DENND1A: variants seen among roughly 807,000 people sequenced by gnomAD.
DENND1A encodes the protein DENN domain containing 1A, also known as DENN domain-containing protein 1A.
In DENND1A, 51 loss-of-function variants were observed where a neutral mutation model predicts 113.7. That is an observed-to-expected ratio of 0.45 (90% CI 0.36 to 0.57). The LOEUF is 0.57. Among genes scored for constraint, DENND1A ranks in the 20% least tolerant of loss-of-function variants. DENND1A has a pLI of 0.00. For missense variants in DENND1A, 1,258 were observed against 1,395.9 expected (o/e 0.90, Z 1.57); for synonymous variants, 565 against 570.8 (o/e 0.99, Z 0.14).
At chr9:123,656,523 T>C (rs2062955727) in intron 8 of DENND1A, among the ~76,000 whole-genome samples, 2 of 152,124 alleles carry the variant, frequency 1.3e-5, no homozygotes, top group African/African-American at 4.8e-5. Flanking sequence ...GACGATGAAT[T>C]AGACTTGGGG....
At position 123,380,826 on chromosome 9, in the gene DENND1A, A is replaced by T. The variant is rs2042236870; in HGVS notation, c.*606T>A. On this transcript the variant is annotated 3_prime_UTR_variant, in exon 24 of 24. Transcript: ENST00000394215. ...TGGTCCCCAGATCCTCCCAGGTCAG[A>T]ATCAACTGAAGTTTTGGGGTGAAGA... 6.5e-6 allele frequency: 1 copy of T among 153,154 alleles called. No homozygotes were observed. The highest frequency in any genetic ancestry group is 6.5e-5 in the Admixed American group (1 of 15,340). The allele number at this position is 153,154 out of a possible 1,614,324, so 9.5% of individuals were successfully genotyped here.
At chr9:123,825,134 A>T (rs1342258333) in intron 2 of DENND1A, among the ~76,000 whole-genome samples, 4 of 152,084 alleles carry the variant, frequency 2.6e-5, no homozygotes, top group Admixed American at 6.5e-5. Flanking sequence ...GAGAGCAATT[A>T]AAGTTTGGTA....
Position 123,383,931 on chromosome 9 carries a change from G to GGCT in DENND1A, c.1761-21_1761-19dup, listed in dbSNP as rs754134734. 6.3e-7 allele frequency: 1 copy of GGCT among 1,596,950 alleles called. No individual in the cohort carries two copies. The highest frequency in any genetic ancestry group is 8.5e-7 in the Non-Finnish European group (1 of 1,173,778). ...GCTGCGGCCTGTCGGGGACAGAGCA[G>GGCT]GCTGCACTCTCCCACCCAGGCCTTC... is the stretch of plus-strand genomic sequence containing the variant. On this transcript the variant is annotated intron_variant, in intron 22 of 23. Coordinates refer to ENST00000394215, the MANE Select transcript of DENND1A (RefSeq NM_001352964.2).
chr9:123,610,593 G>A (rs2060373465), intron 10 of DENND1A, among the ~76,000 whole-genome samples: 1 of 152,216 alleles, frequency 6.6e-6, no homozygotes, highest in African/African-American at 2.4e-5. Flanking sequence ...GGGTGTGATT[G>A]GCAACTTTTC....
At chr9:123,504,925 G>A (rs974259028) in intron 13 of DENND1A, among the ~76,000 whole-genome samples, 5 of 152,148 alleles carry the variant, frequency 3.3e-5, no homozygotes, top group South Asian at 2.1e-4. Flanking sequence ...CAACAGTCAC[G>A]ATGAACCACA....
intron 13 of DENND1A, among the ~76,000 whole-genome samples, chr9:123,461,322 G>A (rs562423789): frequency 2.6e-5 from 4 of 152,158 alleles, no homozygotes. Flanking sequence ...ATCTCTGTAC[G>A]CCCCAGGAAG....
At chr9:123,565,533 CAG>C (rs2058008609) in intron 12 of DENND1A, among the ~76,000 whole-genome samples, 1 of 152,170 alleles carries the variant, frequency 6.6e-6, no homozygotes, top group African/African-American at 2.4e-5. Context: ...GGAGGGGCAA[CAG>C]AGTCACATTT....
At chr9:123,727,240 G>C (rs2067775080) in intron 5 of DENND1A, among the ~76,000 whole-genome samples, 1 of 152,140 alleles carries the variant, frequency 6.6e-6, no homozygotes, top group African/African-American at 2.4e-5. Context: ...AGTCATCTAA[G>C]AGAAAAGAGC....
chr9:123,569,302 T>C (rs2058229775), intron 12 of DENND1A, among the ~76,000 whole-genome samples: 1 of 152,194 alleles, frequency 6.6e-6, no homozygotes, highest in Admixed American at 6.5e-5. Context: ...AATGTAGCTT[T>C]TAAACAGACC....
chr9:123,414,590 T>C (rs1049762820), intron 19 of DENND1A: 4 of 1,550,358 alleles, frequency 2.6e-6, no homozygotes, highest in Non-Finnish European at 3.5e-6. Flanking sequence ...TCACAACGCC[T>C]GTTAGCATAG....
intron 5 of DENND1A, among the ~76,000 whole-genome samples, chr9:123,727,143 A>G (rs960557103): frequency 6.6e-6 from 1 of 152,216 alleles, no homozygotes; most frequent in African/African-American, 2.4e-5. Flanking sequence ...ACAATAAAAC[A>G]TGAACAGGAG....
intron 5 of DENND1A, among the ~76,000 whole-genome samples, chr9:123,690,805 C>T (rs951471108): frequency 6.6e-6 from 1 of 152,232 alleles, no homozygotes; most frequent in African/African-American, 2.4e-5. Flanking sequence ...TGCAACAGCC[C>T]TCCTGCTTCT....
chr9:123,926,932 C>T (rs765029109), intron 1 of DENND1A, among the ~76,000 whole-genome samples: 2 of 146,956 alleles, frequency 1.4e-5, no homozygotes, highest in Non-Finnish European at 3.0e-5. Flanking sequence ...CACAGAAACA[C>T]GGATGAAGGG....
intron 2 of DENND1A, among the ~76,000 whole-genome samples, chr9:123,805,008 G>T (rs1835300148): frequency 6.6e-6 from 1 of 151,976 alleles, no homozygotes. Flanking sequence ...TTCCCGCCTT[G>T]CTGGTCTGCT....
chr9:123,388,796 T>C (rs775424089), intron 21 of DENND1A, among the ~76,000 whole-genome samples: 5 of 151,848 alleles, frequency 3.3e-5, no homozygotes, highest in Non-Finnish European at 7.4e-5. Context: ...ACCAGGCAGA[T>C]CTGGGTTCAA....
At chr9:123,418,484 G>A (rs554231471) in intron 19 of DENND1A, among the ~76,000 whole-genome samples, 4 of 152,350 alleles carry the variant, frequency 2.6e-5, no homozygotes, top group African/African-American at 9.6e-5. Flanking sequence ...GGAGGGGAAG[G>A]CGCGTTGGAA....
At chr9:123,708,372 G>C (rs1182336438) in intron 5 of DENND1A, among the ~76,000 whole-genome samples, 1 of 152,040 alleles carries the variant, frequency 6.6e-6, no homozygotes, top group East Asian at 1.9e-4. Context: ...GTGATCAAAG[G>C]AAACCTGCAT....
chr9:123,444,436 T>C (rs1237569628), intron 18 of DENND1A, among the ~76,000 whole-genome samples: 1 of 152,100 alleles, frequency 6.6e-6, no homozygotes, highest in African/African-American at 2.4e-5. Flanking sequence ...GGCAGATCGC[T>C]TGAGGTCAGG....
At chr9:123,473,006 C>T (rs1162574671) in intron 13 of DENND1A, among the ~76,000 whole-genome samples, 1 of 152,220 alleles carries the variant, frequency 6.6e-6, no homozygotes, top group African/African-American at 2.4e-5. Flanking sequence ...TGCAGCCCTA[C>T]GCTCACCTCT....
Sources: allele counts gnomAD v4.1 joint callset (sites outside exome capture counted in the v4.1 genomes callset), GRCh38; gene constraint gnomAD v4.1.1; transcripts MANE v1.5; gene names NCBI Gene and HGNC (gene_info 2026-07-23, HGNC 2026-07-21).